The following TMEM131L variants were observed in gnomAD, a reference collection of about 807,000 sequenced individuals.
TMEM131L encodes the protein transmembrane protein 131-like.
Under a neutral mutation model 192.2 loss-of-function variants are expected in TMEM131L, and 54 were observed. That is an observed-to-expected ratio of 0.28 (90% confidence interval 0.23 to 0.35). The LOEUF (loss-of-function observed/expected upper bound fraction) is 0.35, where lower values mean the gene tolerates loss of function less well. TMEM131L is among the 10% of genes least tolerant of loss of function. The probability of loss-of-function intolerance (pLI) is 1.00; values close to 1 mark genes in which losing one functional copy is unlikely to be tolerated. For missense variants in TMEM131L, 1,888 were observed against 1,972.9 expected (o/e 0.96, Z 0.82); for synonymous variants, 701 against 704.9 (o/e 0.99, Z 0.09).
intron 15 of TMEM131L, among the ~76,000 whole-genome samples, chr4:153,588,381 A>T (rs1730845236): frequency 2.1e-5 from 3 of 140,904 alleles, no homozygotes; most frequent in South Asian, 4.5e-4. Context: ...CCTTCCTGAT[A>T]CCCTCCTTAG....
chr4:153,627,527 T>G (rs1733932865), intron 30 of TMEM131L, 78 bp from the exon 31 acceptor site: 1 of 1,074,206 alleles, frequency 9.3e-7, no homozygotes, highest in African/African-American at 1.6e-5. Context: ...GAAAACTCAA[T>G]CAGACGTGGT....
At position 153,555,099 on chromosome 4, in the gene TMEM131L, T is replaced by C. The variant is rs576137725; in HGVS notation, c.309-688T>C. Among the ~76,000 whole-genome samples, 2 of 152,280 alleles carry C rather than the reference T, an allele frequency of 1.3e-5. No individual in the cohort carries two copies. Among genetic ancestry groups the C allele is most frequent in the South Asian group, 4.1e-4 (2 of 4,826 alleles). On this transcript the variant is annotated intron_variant, in intron 4 of 34. Coordinates refer to ENST00000409959, the MANE Select transcript of TMEM131L (RefSeq NM_001131007.2). This position sits in a 1 kb window ranked among gnomAD's most constrained non-coding sequence, Gnocchi z 4.1. ...GAAGAGCCAGAGCTTTCATCAGAGTTTTTGGAAAGGCTCATAATTTAAATG... is the reference window on the plus strand; with the variant it reads ...GAAGAGCCAGAGCTTTCATCAGAGTCTTTGGAAAGGCTCATAATTTAAATG...
chr4:153,580,478 T>G (rs1248703150), intron 7 of TMEM131L, among the ~76,000 whole-genome samples: 1 of 152,220 alleles, frequency 6.6e-6, no homozygotes, highest in Non-Finnish European at 1.5e-5. Context: ...TGTGTTTAAA[T>G]AACATTTTCA....
At chr4:153,623,161 C>G in intron 29 of TMEM131L, 78 bp downstream of exon 29, 1 of 1,332,072 alleles carries the variant, frequency 7.5e-7, no homozygotes, top group Non-Finnish European at 1.0e-6. Flanking sequence ...CACACAGTCT[C>G]GATCTGCCTT....
chr4:153,625,130 G>C (rs2126801192), intron 29 of TMEM131L, among the ~76,000 whole-genome samples: 1 of 152,300 alleles, frequency 6.6e-6, no homozygotes, highest in South Asian at 2.1e-4. Flanking sequence ...TAAAAATGGA[G>C]GCCGGGCGCA....
intron 3 of TMEM131L, among the ~76,000 whole-genome samples, chr4:153,532,984 C>CTTTTTTTTTTTTTTTTTT (rs70963190): frequency 9.3e-5 from 12 of 129,676 alleles, no homozygotes; most frequent in African/African-American, 3.4e-4. Flanking sequence ...TTTCTCAATT[C>CTTTTTTTTTTTTTTTTTT]TTTTTTTTTT....
rs562825838 is a variant in TMEM131L at position 153,603,336 on chromosome 4, C to G, written c.2673C>G (p.Phe891Leu). The G allele has an allele frequency of 1.7e-5, 27 of 1,613,744 alleles. 3 individuals carry two copies. The Admixed American group carries it at 3.0e-4, about 18-fold the overall frequency. ...LSLLGVILIA[F>L]QQAQYILMEF... is the part of the protein sequence containing the mutation. ...TGTTGGGTGTGATTTTAATAGCCTT[C>G]CAACAAGCACAGTACATTCTCATGG... Residue 891 changes from phenylalanine to leucine, a missense_variant, in exon 24 of 35, where the codon TTC (phenylalanine) becomes TTG (leucine). Phe to Leu is a conservative substitution (Grantham distance 22, BLOSUM62 0). Coordinates refer to ENST00000409959, the MANE Select transcript of TMEM131L (RefSeq NM_001131007.2).
At chr4:153,539,891 C>T (rs987972094) in intron 3 of TMEM131L, among the ~76,000 whole-genome samples, 6 of 151,674 alleles carry the variant, frequency 4.0e-5, no homozygotes, top group Admixed American at 1.3e-4. Context: ...CAGGCGGATC[C>T]CCTGAGGTTG....
At chr4:153,581,349 AAACCAC>A in intron 8 of TMEM131L, 52 bp from the exon 9 acceptor site, 1 of 1,412,442 alleles carries the variant, frequency 7.1e-7, no homozygotes, top group Non-Finnish European at 9.5e-7. Context: ...CCATAGTTTG[AAACCAC>A]AAAGTTGAGA....
At chr4:153,470,767 A>G (rs1580000778) in intron 2 of TMEM131L, among the ~76,000 whole-genome samples, 1 of 152,180 alleles carries the variant, frequency 6.6e-6, no homozygotes, top group African/African-American at 2.4e-5. Flanking sequence ...TGTCCACCTG[A>G]CCTGCTCTGT....
At chr4:153,484,045 C>T (rs1052468775) in intron 3 of TMEM131L, among the ~76,000 whole-genome samples, 2 of 152,132 alleles carry the variant, frequency 1.3e-5, no homozygotes, top group African/African-American at 4.8e-5. Context: ...TTTCCAGGCT[C>T]AAAGGAGAAA....
At chr4:153,600,770 GT>G (rs1731783742) in intron 21 of TMEM131L, among the ~76,000 whole-genome samples, 1 of 152,130 alleles carries the variant, frequency 6.6e-6, no homozygotes, top group Non-Finnish European at 1.5e-5. Flanking sequence ...GCAGATTTTT[GT>G]TTGTTTGTTT....
At chr4:153,601,438 G>A (rs759666649) in intron 21 of TMEM131L, among the ~76,000 whole-genome samples, 42 of 152,034 alleles carry the variant, frequency 2.8e-4, no homozygotes, top group Non-Finnish European at 6.0e-4. Context: ...AAGGTCAGAG[G>A]ATTGTTGGAG....
intron 4 of TMEM131L, among the ~76,000 whole-genome samples, chr4:153,551,230 C>T (rs79175803): frequency 0.023 from 3,473 of 152,258 alleles, 164 homozygotes; most frequent in African/African-American, 0.08. Context: ...ATAACCATGG[C>T]CGTAGGAGAG....
intron 3 of TMEM131L, among the ~76,000 whole-genome samples, chr4:153,522,208 A>C (rs926845738): frequency 1.3e-5 from 2 of 152,174 alleles, no homozygotes; most frequent in African/African-American, 4.8e-5. Context: ...GGAACCCTCA[A>C]CCGCCATTTG....
At chr4:153,475,199 A>G (rs1012207693) in intron 3 of TMEM131L, among the ~76,000 whole-genome samples, 1 of 152,172 alleles carries the variant, frequency 6.6e-6, no homozygotes, top group Non-Finnish European at 1.5e-5. Flanking sequence ...TGATTGGATG[A>G]CAAATTCTTT....
At chr4:153,492,011 C>G (rs1485080333) in intron 3 of TMEM131L, among the ~76,000 whole-genome samples, 1 of 151,836 alleles carries the variant, frequency 6.6e-6, no homozygotes, top group Non-Finnish European at 1.5e-5. Context: ...TTTTTTCCTT[C>G]TTGTTTTGAG....
intron 3 of TMEM131L, among the ~76,000 whole-genome samples, chr4:153,496,286 C>A (rs1413917632): frequency 6.6e-6 from 1 of 152,154 alleles, no homozygotes. Flanking sequence ...TTTATTTAAA[C>A]AGAATTTTCT....
At chr4:153,498,220 T>G (rs79285346) in intron 3 of TMEM131L, among the ~76,000 whole-genome samples, 1 of 151,828 alleles carries the variant, frequency 6.6e-6, no homozygotes, top group Non-Finnish European at 1.5e-5. Context: ...TTTGGGGGAG[T>G]CCTGAGCATG....
Sources: allele counts gnomAD v4.1 joint callset (sites outside exome capture counted in the v4.1 genomes callset), GRCh38; gene constraint gnomAD v4.1.1; non-coding constraint Gnocchi (gnomAD v3.1); transcripts MANE v1.5; gene names NCBI Gene and HGNC (gene_info 2026-07-23, HGNC 2026-07-21).